The following AFAP1L1 variants were observed in gnomAD, a reference collection of about 807,000 sequenced individuals.
The protein encoded by AFAP1L1 is actin filament associated protein 1 like 1.
AFAP1L1 carries 77 observed loss-of-function variants against 99.8 expected under a neutral mutation model. That is an observed-to-expected ratio of 0.77 (90% CI 0.64 to 0.93). AFAP1L1 has a LOEUF of 0.93. Among genes scored for constraint, AFAP1L1 ranks in the 40% least tolerant of loss-of-function variants. The pLI is 0.00. For missense variants in AFAP1L1, 893 were observed against 996.8 expected, an observed-to-expected ratio of 0.90 and a Z score of 1.40; for synonymous variants, 373 against 395.3, an observed-to-expected ratio of 0.94 and a Z score of 0.67.
chr5:149,322,679 G>A lies in AFAP1L1; in HGVS notation c.1772G>A (p.Arg591His), dbSNP rs773726334. The A allele has an allele frequency of 7.5e-6, 12 of 1,593,870 alleles. No individual in the cohort carries two copies. The highest frequency in any genetic ancestry group is 4.5e-5 in the East Asian group (2 of 44,158). Reference protein sequence around the residue: ...HASSCSEKSHRVDPQVKVKRH... With the variant: ...HASSCSEKSHHVDPQVKVKRH... ...TCCTCCTGCAGTGAGAAGTCCCATC[G>A]TGTGGACCCGCAGGTCAAAGTCAAA... Residue 591 changes from arginine (R) to histidine (H), a missense_variant, in exon 15 of 19, where the codon CGT becomes CAT. Arg to His is a conservative substitution (Grantham distance 29). Coordinates refer to ENST00000296721, the MANE Select transcript of AFAP1L1 (RefSeq NM_152406.4).
chr5:149,311,925 C>A (rs919548929), intron 8 of AFAP1L1, among the ~76,000 whole-genome samples, 187 bp from the exon 9 acceptor site: 1 of 152,324 alleles, frequency 6.6e-6, no homozygotes, highest in Middle Eastern at 3.4e-3. Context: ...GCCCAGGGGA[C>A]AGATATGGGA....
chr5:149,319,777 C>A, intron 13 of AFAP1L1, 50 bp downstream of exon 13: 1 of 1,596,618 alleles, frequency 6.3e-7, no homozygotes, highest in South Asian at 1.1e-5. Context: ...TTCCTGTCTC[C>A]ATCCCTCTCA....
chr5:149,335,451 G>A, intron 17 of AFAP1L1, 143 bp from the exon 18 acceptor site: 1 of 1,113,122 alleles, frequency 9.0e-7, no homozygotes, highest in Non-Finnish European at 1.2e-6. Flanking sequence ...TCGTGCCACT[G>A]CGCTCCCGCC....
chr5:149,333,905 G>A (rs1010116420), intron 17 of AFAP1L1, among the ~76,000 whole-genome samples: 1 of 149,512 alleles, frequency 6.7e-6, no homozygotes. Flanking sequence ...CACAATTTGT[G>A]TGTATGTGTG....
chr5:149,336,437 G>C (rs767561018), intron 18 of AFAP1L1, among the ~76,000 whole-genome samples: 1 of 152,208 alleles, frequency 6.6e-6, no homozygotes, highest in Non-Finnish European at 1.5e-5. Context: ...TAAAAGTGTG[G>C]ACCTGTCCTG....
intron 1 of AFAP1L1, among the ~76,000 whole-genome samples, chr5:149,279,392 T>C (rs1755444036): frequency 6.6e-6 from 1 of 151,184 alleles, no homozygotes; most frequent in Non-Finnish European, 1.5e-5. Flanking sequence ...TAAGGACTAC[T>C]CTCACGTAAA....
At chr5:149,288,955 C>T (rs968286664) in intron 1 of AFAP1L1, among the ~76,000 whole-genome samples, 1 of 152,190 alleles carries the variant, frequency 6.6e-6, no homozygotes, top group South Asian at 2.1e-4. Flanking sequence ...CCCAGAAACT[C>T]TCCATGACCA....
chr5:149,335,543 A>G, intron 17 of AFAP1L1, 51 bp from the exon 18 acceptor site: 1 of 1,592,564 alleles, frequency 6.3e-7, no homozygotes, highest in South Asian at 1.1e-5. Flanking sequence ...CTGGGTGTGT[A>G]GGTAGCCATC....
chr5:149,289,299 T>G (rs1480732707), intron 1 of AFAP1L1, among the ~76,000 whole-genome samples: 1 of 152,232 alleles, frequency 6.6e-6, no homozygotes, highest in Non-Finnish European at 1.5e-5. Flanking sequence ...ACTATTCTCT[T>G]AAGCATAAAA....
In AFAP1L1 at chr5:149,315,298, G is replaced by A. The variant is rs115698635; in HGVS notation, c.1021-523G>A. ...GGACTCCTGCTGGTCACCAGGTCCC[G>A]CCATGACTGTTTTGAAAATGTCTGC... is the stretch of plus-strand genomic sequence containing the variant. On this transcript the variant is annotated intron_variant, in intron 9 of 18. Coordinates refer to ENST00000296721, the MANE Select transcript of AFAP1L1 (RefSeq NM_152406.4). 5.0e-3 allele frequency among the ~76,000 whole-genome samples: 767 copies of A among 152,176 alleles called. 8 individuals are homozygous for A. The highest frequency in any genetic ancestry group is 0.018 in the African/African-American group (728 of 41,510).
At position 149,324,356 on chromosome 5, in the gene AFAP1L1, C is replaced by T. The variant is rs190693408; in HGVS notation, c.1810+1639C>T. Among the ~76,000 whole-genome samples the T allele has an allele frequency of 7.9e-5, 12 of 152,272 alleles. 1 individual carries two copies. Among genetic ancestry groups the T allele is most frequent in the Admixed American group, 7.2e-4 (11 of 15,308 alleles). On this transcript the variant is annotated intron_variant, in intron 15 of 18. Coordinates refer to ENST00000296721, the MANE Select transcript of AFAP1L1 (RefSeq NM_152406.4). ...CTTTTTGCTCCCTGGGGTCTCTTTCCTAAGGGCACTAATCCTACCCATGAG... is the reference window on the plus strand; with the variant it reads ...CTTTTTGCTCCCTGGGGTCTCTTTCTTAAGGGCACTAATCCTACCCATGAG...
intron 14 of AFAP1L1, among the ~76,000 whole-genome samples, chr5:149,322,206 C>T (rs767096556): frequency 6.6e-6 from 1 of 152,204 alleles, no homozygotes; most frequent in Non-Finnish European, 1.5e-5. Context: ...ACTTCTATCA[C>T]TGGCTCATCT....
At chr5:149,328,706 C>T (rs75428315) in intron 15 of AFAP1L1, among the ~76,000 whole-genome samples, 6,844 of 151,976 alleles carry the variant, frequency 0.045, 250 homozygotes, top group Non-Finnish European at 0.073. Flanking sequence ...CTACTCTACT[C>T]GGGAGGCTGA....
At chr5:149,292,615 G>A (rs903064551) in intron 1 of AFAP1L1, among the ~76,000 whole-genome samples, 3 of 152,100 alleles carry the variant, frequency 2.0e-5, no homozygotes, top group Non-Finnish European at 4.4e-5. Flanking sequence ...CTGAGCCTCT[G>A]TCTCACTTAA....
At chr5:149,307,943 G>C (rs1333245513) in intron 7 of AFAP1L1, among the ~76,000 whole-genome samples, 4 of 151,146 alleles carry the variant, frequency 2.6e-5, no homozygotes, top group African/African-American at 9.7e-5. Flanking sequence ...ATCACTTGAG[G>C]TCAGGAGTTC....
rs1304262532 is a variant in AFAP1L1, at chr5:149,338,754, A to T, written c.2284-1253A>T. 2.0e-5 allele frequency among the ~76,000 whole-genome samples: 3 copies of T among 152,238 alleles called. No individual in the cohort carries two copies. In the East Asian group the frequency reaches 5.8e-4, roughly 29 times the overall value. ...GAACGTCCCAAAGGGGCTTAAGCAC[A>T]GTGATAGCAAAGACCCTTTCAAGAA... On this transcript the variant is annotated intron_variant, in intron 18 of 18. Transcript: ENST00000296721.
chr5:149,321,245 A>G (rs559859550), intron 14 of AFAP1L1, among the ~76,000 whole-genome samples: 2 of 152,306 alleles, frequency 1.3e-5, no homozygotes, highest in East Asian at 3.9e-4. Context: ...AGACTCAGAT[A>G]AACCTGTGGA....
chr5:149,317,744 T>G lies in AFAP1L1; in HGVS notation c.1283T>G (p.Leu428Arg). 2 of 1,614,020 alleles carry G rather than the reference T, an allele frequency of 1.2e-6. No homozygotes were observed. The highest frequency in any genetic ancestry group is 1.7e-6 in the Non-Finnish European group (2 of 1,179,984). ...TCTCCTCCAGGCTACCTGAACGTGC[T>G]GGTGAACCAGGGCTGGAAGGAACGC... Reference protein sequence around the residue: ...EVPCCGYLNVLVNQGWKERWC... With the variant: ...EVPCCGYLNVRVNQGWKERWC... The change falls in exon 12 of 19, where the codon CTG (leucine) becomes CGG (arginine). Residue 428 changes from leucine (L) to arginine (R), a missense_variant. Physicochemically the swap from Leu to Arg is moderately radical, Grantham distance 102. Coordinates refer to ENST00000296721, the MANE Select transcript of AFAP1L1 (RefSeq NM_152406.4).
chr5:149,282,338 G>A (rs1044380769), intron 1 of AFAP1L1, among the ~76,000 whole-genome samples: 2 of 151,852 alleles, frequency 1.3e-5, no homozygotes, highest in African/African-American at 2.4e-5. Context: ...TTTTCCAGGC[G>A]CCATTCCCTC....
Sources: gnomAD v4.1 joint callset for allele counts (sites outside exome capture counted in the v4.1 genomes callset) on GRCh38, gnomAD v4.1.1 for gene constraint, MANE v1.5 for transcripts, NCBI Gene and HGNC (gene_info 2026-07-23, HGNC 2026-07-21) for gene names.